TIPIN: variants seen among roughly 807,000 people sequenced by gnomAD.
TIPIN encodes TIMELESS interacting protein, also known as TIMELESS-interacting protein.
In TIPIN, 29 loss-of-function variants were observed where a neutral mutation model predicts 35.6. That is an observed-to-expected ratio of 0.82 (90% CI 0.61 to 1.11). The LOEUF (loss-of-function observed/expected upper bound fraction) is 1.11. Ranked by LOEUF, TIPIN falls within the 50% of genes most tolerant of loss-of-function variation. The pLI is 0.00. For missense variants in TIPIN, 296 were observed against 345.4 expected (o/e 0.86, Z 1.13); for synonymous variants, 102 against 121.5 (o/e 0.84, Z 1.06).
At chr15:66,364,460 C>A (rs547591957) in intron 1 of TIPIN, among the ~76,000 whole-genome samples, 2 of 152,010 alleles carry the variant, frequency 1.3e-5, no homozygotes, top group East Asian at 1.9e-4. Flanking sequence ...CCATGCCCAG[C>A]CAAGAAGTCT....
intron 7 of TIPIN, among the ~76,000 whole-genome samples, chr15:66,340,544 G>T (rs2093079089): frequency 6.6e-6 from 1 of 151,916 alleles, no homozygotes; most frequent in South Asian, 2.1e-4. Flanking sequence ...CATGCTTTAA[G>T]GAGTCAGGGA....
intron 1 of TIPIN, among the ~76,000 whole-genome samples, chr15:66,354,104 G>T (rs1029134399): frequency 2.6e-5 from 4 of 152,128 alleles, no homozygotes; most frequent in Non-Finnish European, 2.9e-5. Context: ...AAGTATCCAA[G>T]ACTCCATCCT....
chr15:66,377,878 G>A (rs763903626), intron 1 of TIPIN, among the ~76,000 whole-genome samples: 6 of 151,170 alleles, frequency 4.0e-5, no homozygotes, highest in East Asian at 1.9e-4. Flanking sequence ...ACGGAGTCTC[G>A]CTCTGTTGCC....
At chr15:66,382,163 A>G (rs1397897043) in intron 1 of TIPIN, 1 of 169,862 alleles carries the variant, frequency 5.9e-6, no homozygotes, top group Admixed American at 6.5e-5. Flanking sequence ...TATTCTTTCA[A>G]AGTTTCATTT....
At chr15:66,372,398 G>A (rs2093280812) in intron 1 of TIPIN, among the ~76,000 whole-genome samples, 1 of 152,226 alleles carries the variant, frequency 6.6e-6, no homozygotes, top group African/African-American at 2.4e-5. Flanking sequence ...GCAAGTAGTA[G>A]TCCATTTTTA....
intron 1 of TIPIN, among the ~76,000 whole-genome samples, chr15:66,385,361 G>GT (rs1400586164): frequency 6.6e-6 from 1 of 152,188 alleles, no homozygotes; most frequent in African/African-American, 2.4e-5. Context: ...TTGACACTTA[G>GT]TATTTTAGGA....
Position 66,356,620 on chromosome 15 carries a change from C to G in TIPIN, c.-9+19G>C, listed in dbSNP as rs1422758426. ...CCTCTCCCCGCAAGAACTTCATTGG[C>G]CCGCCAGCCAGCTCTCACCTCACGC... On this transcript the variant is annotated intron_variant, in intron 1 of 7. Transcript: ENST00000261881. 3.1e-6 allele frequency: 3 copies of G among 977,786 alleles called. No homozygotes were observed. In the African/African-American group the frequency reaches 5.3e-5, roughly 17 times the overall value. The allele number at this position is 977,786 out of a possible 1,614,324, so 60.6% of individuals were successfully genotyped here. A position where few individuals can be genotyped will look rare whatever the true frequency, so the allele number is the denominator to read the frequency against.
chr15:66,361,351 G>C (rs1397332689), upstream of TIPIN, among the ~76,000 whole-genome samples: 1 of 150,716 alleles, frequency 6.6e-6, no homozygotes, highest in Non-Finnish European at 1.5e-5. Flanking sequence ...CGCTTCCCGG[G>C]TTCACACCAT....
chr15:66,344,547 G>A (rs2093110217), intron 6 of TIPIN, among the ~76,000 whole-genome samples: 1 of 152,042 alleles, frequency 6.6e-6, no homozygotes, highest in African/African-American at 2.4e-5. Flanking sequence ...GTTCCTTTGA[G>A]TAGGATTAAA....
chr15:66,358,706 C>T (rs1044758794), upstream of TIPIN, among the ~76,000 whole-genome samples: 7 of 152,214 alleles, frequency 4.6e-5, no homozygotes, highest in South Asian at 2.1e-4. Context: ...CGTGAGCCAC[C>T]GCACCCAGCT....
At chr15:66,366,781 AAG>A in intron 1 of TIPIN, 3 of 946,028 alleles carry the variant, frequency 3.2e-6, no homozygotes, top group Non-Finnish European at 2.5e-6. Context: ...AAAAAAAAAA[AAG>A]AAAGAAAGAA....
At chr15:66,349,867 G>A (rs2093155142) in intron 4 of TIPIN, among the ~76,000 whole-genome samples, 1 of 152,016 alleles carries the variant, frequency 6.6e-6, no homozygotes, top group Non-Finnish European at 1.5e-5. Context: ...GTGACAGCGA[G>A]ATCCTATATC....
intron 1 of TIPIN, among the ~76,000 whole-genome samples, chr15:66,364,795 C>T (rs1161876395): frequency 1.3e-5 from 2 of 151,442 alleles, no homozygotes; most frequent in African/African-American, 4.8e-5. Context: ...GGTGAAACCT[C>T]GTCTCTACTA....
In TIPIN at chr15:66,336,411, A is replaced by C. The variant is rs1033201274; in HGVS notation, c.*547T>G. On this transcript the variant is annotated 3_prime_UTR_variant, in exon 8 of 8. Coordinates refer to ENST00000261881, the MANE Select transcript of TIPIN (RefSeq NM_017858.3). The stretch of plus-strand genomic sequence containing the variant: ...TCTACTAAAAGTACAAAAATTAGCC[A>C]AGCGTGGTGGCACACGCCTGTAGTC... The C allele has an allele frequency of 4.6e-5, 7 of 153,352 alleles. No individual in the cohort carries two copies. Among genetic ancestry groups the C allele is most frequent in the Admixed American group, 1.9e-4 (3 of 15,464 alleles). 9.5% of individuals were successfully genotyped at this position (153,352 alleles called of 1,614,324 possible). A position where few individuals can be genotyped will look rare whatever the true frequency, so the allele number is the denominator to read the frequency against.
chr15:66,346,257 CTTTTT>C (rs536484516), intron 6 of TIPIN, among the ~76,000 whole-genome samples: 1 of 131,086 alleles, frequency 7.6e-6, no homozygotes, highest in Admixed American at 7.8e-5. Context: ...CTTAATTTAT[CTTTTT>C]TTTTTTTTTT....
At chr15:66,380,412 T>C (rs2093314679) in intron 1 of TIPIN, among the ~76,000 whole-genome samples, 1 of 152,228 alleles carries the variant, frequency 6.6e-6, no homozygotes, top group South Asian at 2.1e-4. Context: ...ACCTATTATG[T>C]TCTATTGGTT....
intron 1 of TIPIN, 39 bp downstream of exon 1, chr15:66,356,600 C>G (rs955629110): frequency 4.1e-6 from 4 of 986,548 alleles, no homozygotes; most frequent in Non-Finnish European, 4.8e-6. Flanking sequence ...ACTCCCCTCT[C>G]CCCGCAAGAA....
intron 7 of TIPIN, among the ~76,000 whole-genome samples, chr15:66,339,481 C>T (rs2093070297): frequency 6.6e-6 from 1 of 152,128 alleles, no homozygotes; most frequent in African/African-American, 2.4e-5. Flanking sequence ...CGCAATCCTG[C>T]TTACTTCATT....
intron 1 of TIPIN, among the ~76,000 whole-genome samples, chr15:66,383,281 T>TC (rs1333027632): frequency 4.9e-4 from 75 of 152,028 alleles, no homozygotes; most frequent in Non-Finnish European, 8.5e-4. Context: ...TTTTTTTTTT[T>TC]TGAGATAGTC....
Sources: allele counts gnomAD v4.1 joint callset (sites outside exome capture counted in the v4.1 genomes callset), GRCh38; gene constraint gnomAD v4.1.1; transcripts MANE v1.5; gene names NCBI Gene and HGNC (gene_info 2026-07-23, HGNC 2026-07-21).